The following ABI2 variants were observed in gnomAD, a reference collection of about 807,000 sequenced individuals.
The protein encoded by ABI2 is abl interactor 2.
Under a neutral mutation model 59.2 loss-of-function variants are expected in ABI2, and 25 were observed. The observed-to-expected ratio is 0.42, with a 90% CI of 0.31 to 0.59. ABI2 has a LOEUF of 0.59. Ranked by LOEUF, ABI2 falls within the 20% of genes least tolerant of loss-of-function variation. The probability of loss-of-function intolerance (pLI) is 0.14; values close to 1 mark genes in which losing one functional copy is unlikely to be tolerated. For synonymous variants in ABI2, 213 were observed against 235.5 expected (o/e 0.90, Z 0.87); for missense variants, 545 against 681.8 (o/e 0.80, Z 2.23).
intron 1 of ABI2, among the ~76,000 whole-genome samples, chr2:203,350,688 C>A (rs12693985): frequency 0.74 from 111,645 of 151,340 alleles, 42,296 homozygotes; most frequent in Middle Eastern, 0.87. Flanking sequence ...TACGGGTGCC[C>A]GCCACTGTGC....
intron 1 of ABI2, among the ~76,000 whole-genome samples, chr2:203,358,237 C>T (rs2092707291): frequency 6.6e-6 from 1 of 151,932 alleles, no homozygotes; most frequent in African/African-American, 2.4e-5. Context: ...TCAAGTGATC[C>T]TCCCTTCTCT....
chr2:203,351,120 C>A (rs184048806), intron 1 of ABI2, among the ~76,000 whole-genome samples: 1 of 152,108 alleles, frequency 6.6e-6, no homozygotes, highest in Non-Finnish European at 1.5e-5. Flanking sequence ...TTCTTTCCCT[C>A]GTTAAATTGT....
chr2:203,363,503 ACCT>A (rs1248951311), intron 1 of ABI2, among the ~76,000 whole-genome samples: 3 of 140,960 alleles, frequency 2.1e-5, no homozygotes, highest in East Asian at 2.1e-4. Context: ...CTTTCCCTCT[ACCT>A]CCTCCTGTCC....
chr2:203,427,367 G>T lies in ABI2; in HGVS notation c.*15G>T. ...ATTCTGAGTAAAGCTCAGCAGGGCT[G>T]TGCTTGCCTCACAGGAATAGTCAGG... On this transcript the variant is annotated 3_prime_UTR_variant, in exon 12 of 12. Coordinates refer to ENST00000261018, the MANE Select transcript of ABI2 (RefSeq NM_001375670.1). 2 of 1,605,234 alleles carry T rather than the reference G, an allele frequency of 1.2e-6. No individual in the cohort carries two copies. Among genetic ancestry groups the T allele is most frequent in the Non-Finnish European group, 1.7e-6 (2 of 1,174,218 alleles).
rs980361122 is a variant in ABI2 at position 203,379,570 on chromosome 2, CT to C, written c.286-633del. On this transcript the variant is annotated intron_variant, in intron 2 of 11. Coordinates refer to ENST00000261018, the MANE Select transcript of ABI2 (RefSeq NM_001375670.1). ...TTAACATTATATTTCAGCCCTCTTT[CT>C]TTTTAAATAAAAAGATGTTTAAACA... Among the ~76,000 whole-genome samples the C allele has an allele frequency of 1.3e-4, 20 of 152,242 alleles. 1 individual carries two copies. The highest frequency in any genetic ancestry group is 4.8e-4 in the African/African-American group (20 of 41,564).
At chr2:203,356,162 A>C (rs1461287167) in intron 1 of ABI2, among the ~76,000 whole-genome samples, 3 of 151,902 alleles carry the variant, frequency 2.0e-5, no homozygotes, top group African/African-American at 7.3e-5. Context: ...CAGTTAGTGG[A>C]GACATACTTT....
intron 2 of ABI2, among the ~76,000 whole-genome samples, chr2:203,373,653 A>G (rs1285387089): frequency 6.6e-6 from 1 of 152,228 alleles, no homozygotes; most frequent in East Asian, 1.9e-4. Flanking sequence ...AAGGCAACAT[A>G]AAGAACTTAA....
chr2:203,403,718 C>CG (rs2097311684), intron 9 of ABI2, among the ~76,000 whole-genome samples: 1 of 137,898 alleles, frequency 7.3e-6, no homozygotes, highest in African/African-American at 2.7e-5. Flanking sequence ...TTTTCTGACT[C>CG]TAAGTTCCAT....
At chr2:203,417,103 G>A (rs776299849) in intron 11 of ABI2, 22 bp downstream of exon 11, 10 of 1,581,356 alleles carry the variant, frequency 6.3e-6, no homozygotes, top group Non-Finnish European at 8.6e-6. Flanking sequence ...AAGGATATCT[G>A]GATAGATGGG....
intron 4 of ABI2, among the ~76,000 whole-genome samples, chr2:203,388,884 A>G (rs1461237750): frequency 1.3e-5 from 2 of 152,174 alleles, no homozygotes; most frequent in African/African-American, 2.4e-5. Flanking sequence ...TATCCCATGT[A>G]TAGAATAAAA....
At chr2:203,349,666 A>G (rs953226446) in intron 1 of ABI2, among the ~76,000 whole-genome samples, 1 of 150,972 alleles carries the variant, frequency 6.6e-6, no homozygotes, top group East Asian at 1.9e-4. Context: ...TGGCCTCCCA[A>G]AGTGGTGGGA....
chr2:203,339,045 A>G (rs1376885545), intron 1 of ABI2, among the ~76,000 whole-genome samples: 5 of 137,570 alleles, frequency 3.6e-5, no homozygotes, highest in Non-Finnish European at 7.6e-5. Flanking sequence ...AAACCAAATA[A>G]CCAGATTTTA....
intron 2 of ABI2, among the ~76,000 whole-genome samples, chr2:203,373,797 C>G (rs1006623681): frequency 3.3e-5 from 5 of 152,160 alleles, no homozygotes; most frequent in Admixed American, 2.6e-4. Context: ...GGAAGTAATT[C>G]TTCTCAAGAG....
At chr2:203,338,193 T>C (rs2077334461) in intron 1 of ABI2, among the ~76,000 whole-genome samples, 2 of 152,248 alleles carry the variant, frequency 1.3e-5, no homozygotes, top group Admixed American at 1.3e-4. Flanking sequence ...GTAAATGGTA[T>C]TGGGAAAACT....
At chr2:203,351,527 G>A (rs1420686545) in intron 1 of ABI2, 1 of 364,746 alleles carries the variant, frequency 2.7e-6, no homozygotes. Flanking sequence ...AGTTTTCAGT[G>A]TTTAGTTTTT....
At chr2:203,351,681 G>GC (rs1357590729) in intron 1 of ABI2, 1 of 361,870 alleles carries the variant, frequency 2.8e-6, no homozygotes, top group Non-Finnish European at 5.4e-6. Context: ...GACTACAGGT[G>GC]CGTGCTACTG....
chr2:203,390,589 G>A (rs1312790031), intron 4 of ABI2, among the ~76,000 whole-genome samples: 1 of 151,830 alleles, frequency 6.6e-6, no homozygotes, highest in Non-Finnish European at 1.5e-5. Flanking sequence ...CCAAGATCGT[G>A]CCCCTGCACT....
intron 2 of ABI2, among the ~76,000 whole-genome samples, chr2:203,373,433 G>A (rs1344175190): frequency 6.6e-5 from 10 of 152,100 alleles, no homozygotes; most frequent in East Asian, 1.9e-4. Flanking sequence ...GCTTCTGCTC[G>A]GCATCAGAGG....
chr2:203,364,030 CTGG>C (rs2152953663), intron 1 of ABI2, among the ~76,000 whole-genome samples: 1 of 150,772 alleles, frequency 6.6e-6, no homozygotes, highest in South Asian at 2.1e-4. Flanking sequence ...TCCCAAAGTG[CTGG>C]AATTATAGGC....
Sources: gnomAD v4.1 joint callset for allele counts (sites outside exome capture counted in the v4.1 genomes callset) on GRCh38, gnomAD v4.1.1 for gene constraint, MANE v1.5 for transcripts, NCBI Gene and HGNC (gene_info 2026-07-23, HGNC 2026-07-21) for gene names.